Variants in SRBD1 observed in about 807,000 individuals in gnomAD.
SRBD1 encodes S1 RNA binding domain 1.
Under a neutral mutation model 115.3 loss-of-function variants are expected in SRBD1, and 88 were observed. The ratio of observed to expected loss-of-function variants is 0.76; its 90% CI spans 0.64 to 0.91. The LOEUF (loss-of-function observed/expected upper bound fraction) is 0.91. Among genes scored for constraint, SRBD1 ranks in the 40% least tolerant of loss-of-function variants. The probability of loss-of-function intolerance (pLI) is 0.00; values close to 1 mark genes in which losing one functional copy is unlikely to be tolerated. For synonymous variants in SRBD1, 509 were observed against 407.7 expected, an observed-to-expected ratio of 1.25 and a Z score of -2.99; for missense variants, 1,385 against 1,177.4, an observed-to-expected ratio of 1.18 and a Z score of -2.58.
Position 45,401,243 on chromosome 2 carries a change from T to G in SRBD1, c.2514-8114A>C, listed in dbSNP as rs1486082436. Among the ~76,000 whole-genome samples, 3 of 152,144 alleles carry G rather than the reference T, an allele frequency of 2.0e-5. No homozygotes were observed. The East Asian group carries it at 5.8e-4, about 29-fold the overall frequency. ...AGTAGGGTCATTAAGCCCAGGAGTT[T>G]GAGTACAGCCTGGGCAACATAGAGA... is the stretch of plus-strand genomic sequence containing the variant. On this transcript the variant is annotated intron_variant, in intron 19 of 20. Transcript: ENST00000263736.
intron 7 of SRBD1, among the ~76,000 whole-genome samples, chr2:45,576,835 G>C (rs1362469124): frequency 6.6e-6 from 1 of 152,120 alleles, no homozygotes; most frequent in African/African-American, 2.4e-5. Flanking sequence ...TGGAAGCAGA[G>C]GACAGAAGAA....
At chr2:45,526,734 T>C (rs1335788065) in intron 14 of SRBD1, among the ~76,000 whole-genome samples, 2 of 152,008 alleles carry the variant, frequency 1.3e-5, no homozygotes, top group East Asian at 1.9e-4. Flanking sequence ...AATTATGTAA[T>C]GCACCACTGA....
chr2:45,395,918 A>C (rs992005325), intron 19 of SRBD1, among the ~76,000 whole-genome samples: 1 of 152,232 alleles, frequency 6.6e-6, no homozygotes, highest in Non-Finnish European at 1.5e-5. Context: ...ATCCAATACA[A>C]AGTTTCACTT....
chr2:45,500,585 G>C (rs1355257882), intron 14 of SRBD1, among the ~76,000 whole-genome samples: 3 of 152,018 alleles, frequency 2.0e-5, no homozygotes, highest in Non-Finnish European at 2.9e-5. Flanking sequence ...ATCATGCCCA[G>C]CTAATTTTTT....
At chr2:45,508,460 G>A (rs1331679639) in intron 14 of SRBD1, among the ~76,000 whole-genome samples, 2 of 152,084 alleles carry the variant, frequency 1.3e-5, no homozygotes, top group Admixed American at 6.6e-5. Flanking sequence ...AAATTTTAAA[G>A]GACTTGATGT....
rs961097787 is a variant in SRBD1, at chr2:45,534,517, T to A, written c.1874+12215A>T. ...AATTTAAATAACACAGCACCTTAAC[T>A]TGTCATTAGGCATGATAATCTGGAT... On this transcript the variant is annotated intron_variant, in intron 14 of 20. Coordinates refer to ENST00000263736, the MANE Select transcript of SRBD1 (RefSeq NM_018079.5). 9.9e-5 allele frequency among the ~76,000 whole-genome samples: 15 copies of A among 152,012 alleles called. 1 individual carries two copies. The highest frequency in any genetic ancestry group is 3.6e-4 in the African/African-American group (15 of 41,524).
intron 16 of SRBD1, among the ~76,000 whole-genome samples, chr2:45,422,346 T>C (rs1414534443): frequency 1.3e-5 from 2 of 152,184 alleles, no homozygotes; most frequent in East Asian, 1.9e-4. Flanking sequence ...ATCCCATTTC[T>C]GCAAGGCCAT....
intron 16 of SRBD1, among the ~76,000 whole-genome samples, chr2:45,475,020 G>A (rs1446531731): frequency 6.6e-6 from 1 of 152,136 alleles, no homozygotes; most frequent in Non-Finnish European, 1.5e-5. Flanking sequence ...GTAGTCCAAT[G>A]TTAATATGGC....
intron 18 of SRBD1, among the ~76,000 whole-genome samples, chr2:45,415,560 TAC>T (rs2103622164): frequency 6.9e-6 from 1 of 144,900 alleles, no homozygotes; most frequent in East Asian, 2.1e-4. Flanking sequence ...ATAGTCTGTA[TAC>T]GTATATATAG....
At chr2:45,572,580 G>A (rs1405058360) in intron 9 of SRBD1, among the ~76,000 whole-genome samples, 1 of 152,054 alleles carries the variant, frequency 6.6e-6, no homozygotes, top group Non-Finnish European at 1.5e-5. Context: ...AGACTGGAAT[G>A]AAAGGGCACT....
chr2:45,489,691 G>C (rs1670234073), intron 14 of SRBD1, among the ~76,000 whole-genome samples: 1 of 152,038 alleles, frequency 6.6e-6, no homozygotes, highest in Admixed American at 6.6e-5. Flanking sequence ...TCATTTAATG[G>C]AGTAGGTTCC....
At chr2:45,605,851 C>T (rs1486339099) in intron 1 of SRBD1, among the ~76,000 whole-genome samples, 2 of 147,178 alleles carry the variant, frequency 1.4e-5, no homozygotes, top group Non-Finnish European at 3.0e-5. Flanking sequence ...TTGCAGAGAG[C>T]TGAGATTGCA....
chr2:45,430,265 C>A (rs1668292263), intron 16 of SRBD1, among the ~76,000 whole-genome samples: 1 of 152,160 alleles, frequency 6.6e-6, no homozygotes, highest in African/African-American at 2.4e-5. Flanking sequence ...CTACCACTGA[C>A]TTTCTTCACA....
At chr2:45,490,504 A>C (rs1263567067) in intron 14 of SRBD1, among the ~76,000 whole-genome samples, 1 of 152,214 alleles carries the variant, frequency 6.6e-6, no homozygotes, top group East Asian at 1.9e-4. Flanking sequence ...CTTTTCTAAA[A>C]AGACAGAGTA....
Position 45,488,247 on chromosome 2 carries a change from T to G in SRBD1, c.1959A>C (p.Arg653Ser). The G allele has an allele frequency of 6.2e-7, 1 of 1,613,858 alleles. No individual in the cohort carries two copies. The highest frequency in any genetic ancestry group is 2.2e-5 in the East Asian group (1 of 44,860). ...TGGTCCATAGTTTCTTACCTGCACT[T>G]CTCAAATTAGGGTCCAGCCCTGGCA... ...KEMPGLDPNL[R>S]SAVSIARRVQ... Residue 653 changes from arginine (R) to serine (S), a missense_variant, in exon 15 of 21, where the codon AGA (arginine) becomes AGC (serine). Coordinates refer to ENST00000263736, the MANE Select transcript of SRBD1 (RefSeq NM_018079.5).
chr2:45,399,213 T>C (rs2103827342), intron 19 of SRBD1, among the ~76,000 whole-genome samples: 1 of 152,250 alleles, frequency 6.6e-6, no homozygotes, highest in South Asian at 2.1e-4. Flanking sequence ...CAAAGGAATG[T>C]GACAAAATGC....
intron 9 of SRBD1, chr2:45,569,561 A>T (rs958876652): frequency 6.6e-6 from 1 of 152,190 alleles, no homozygotes; most frequent in African/African-American, 2.4e-5. Flanking sequence ...TTTTTCTATT[A>T]TTCTCTCTTT....
intron 19 of SRBD1, among the ~76,000 whole-genome samples, chr2:45,397,917 C>T (rs1300170496): frequency 6.6e-6 from 1 of 152,140 alleles, no homozygotes; most frequent in Non-Finnish European, 1.5e-5. Context: ...TGTCTTACCT[C>T]CTTGTTAAAC....
chr2:45,426,172 AC>A (rs1215709481), intron 16 of SRBD1, among the ~76,000 whole-genome samples: 2 of 152,158 alleles, frequency 1.3e-5, no homozygotes, highest in Non-Finnish European at 2.9e-5. Context: ...GGGGAGAGGC[AC>A]CCATCATTAC....
Sources: gnomAD v4.1 joint callset for allele counts (sites outside exome capture counted in the v4.1 genomes callset) on GRCh38, gnomAD v4.1.1 for gene constraint, MANE v1.5 for transcripts, NCBI Gene and HGNC (gene_info 2026-07-23, HGNC 2026-07-21) for gene names.